The following EFCAB6 variants were observed in gnomAD, a reference collection of about 807,000 sequenced individuals.
EFCAB6 encodes EF-hand calcium binding domain 6.
Under a neutral mutation model 169.8 loss-of-function variants are expected in EFCAB6, and 156 were observed. The ratio of observed to expected loss-of-function variants is 0.92; its 90% confidence interval spans 0.81 to 1.05. EFCAB6 has a LOEUF of 1.05. EFCAB6 is among the 50% of genes least tolerant of loss of function. EFCAB6 has a pLI of 0.00. For missense variants in EFCAB6, 1,800 were observed against 1,829.1 expected (o/e 0.98, Z 0.29); for synonymous variants, 698 against 676.4 (o/e 1.03, Z -0.50).
intron 13 of EFCAB6, among the ~76,000 whole-genome samples, chr22:43,672,793 T>C (rs1268659446): frequency 2.0e-5 from 3 of 152,030 alleles, no homozygotes; most frequent in Non-Finnish European, 4.4e-5. Flanking sequence ...AATACTTGGG[T>C]GATGAAATAA....
chr22:43,567,966 G>A (rs185825779), intron 26 of EFCAB6, among the ~76,000 whole-genome samples: 1 of 152,326 alleles, frequency 6.6e-6, no homozygotes, highest in East Asian at 1.9e-4. Flanking sequence ...CAAGAACACA[G>A]AAGCCTCCTG....
intron 22 of EFCAB6, among the ~76,000 whole-genome samples, chr22:43,606,697 AC>A (rs1480531967): frequency 6.6e-6 from 1 of 152,254 alleles, no homozygotes. Flanking sequence ...CATGAGGTCA[AC>A]TAAACAATAG....
intron 2 of EFCAB6, among the ~76,000 whole-genome samples, chr22:43,792,116 CAGG>C (rs2062316585): frequency 6.6e-6 from 1 of 152,088 alleles, no homozygotes; most frequent in Non-Finnish European, 1.5e-5. Context: ...ACTAGGAAGT[CAGG>C]TCATCAGCAG....
At chr22:43,676,410 C>T (rs2057763132) in intron 13 of EFCAB6, among the ~76,000 whole-genome samples, 1 of 139,608 alleles carries the variant, frequency 7.2e-6, no homozygotes, top group Non-Finnish European at 1.5e-5. Context: ...CAGAGCAAGA[C>T]TCCGTCTCAA....
At chr22:43,761,750 T>C (rs891867545) in intron 5 of EFCAB6, among the ~76,000 whole-genome samples, 32 of 152,206 alleles carry the variant, frequency 2.1e-4, no homozygotes, top group African/African-American at 7.0e-4. Context: ...GACCTGATTC[T>C]ATTGGATATG....
At chr22:43,784,706 CACACACACACACAT>C (rs2062012785) in intron 2 of EFCAB6, among the ~76,000 whole-genome samples, 1 of 134,532 alleles carries the variant, frequency 7.4e-6, no homozygotes, top group Non-Finnish European at 1.6e-5. Flanking sequence ...CACACACACA[CACACACACACACAT>C]ATATATATAT....
chr22:43,589,949 G>C, intron 24 of EFCAB6, 125 bp downstream of exon 24: 1 of 1,264,108 alleles, frequency 7.9e-7, no homozygotes, highest in Non-Finnish European at 1.1e-6. Flanking sequence ...CCAGCAAACA[G>C]GAAGACATGG....
intron 24 of EFCAB6, among the ~76,000 whole-genome samples, chr22:43,589,280 CAAAAA>C (rs1163346832): frequency 3.8e-4 from 31 of 80,912 alleles, no homozygotes; most frequent in African/African-American, 1.6e-3. Flanking sequence ...GACTTCATGT[CAAAAA>C]AAAAAAAAAA....
Position 43,537,187 on chromosome 22 carries a change from G to C in EFCAB6, c.4048+190C>G, listed in dbSNP as rs758316521. On this transcript the variant is annotated intron_variant, in intron 29 of 31. Coordinates refer to ENST00000262726, the MANE Select transcript of EFCAB6 (RefSeq NM_022785.4). This position sits in a 1 kb window ranked among gnomAD's most constrained non-coding sequence, Gnocchi z 4.3. ...AGATGGGCCCCCTGCTGGGAGGGCC[G>C]GGTAGTCGGAATCCTCCTCCATGGG... The C allele has an allele frequency of 6.6e-6, 4 of 607,798 alleles. No individual in the cohort carries two copies. Among genetic ancestry groups the C allele is most frequent in the South Asian group, 2.9e-5 (1 of 34,870 alleles). The allele number at this position is 607,798 out of a possible 1,614,324, so 37.7% of individuals were successfully genotyped here.
intron 2 of EFCAB6, among the ~76,000 whole-genome samples, chr22:43,788,245 C>G (rs541453253): frequency 6.6e-6 from 1 of 152,214 alleles, no homozygotes; most frequent in African/African-American, 2.4e-5. Flanking sequence ...CTTCATCAAA[C>G]TTTAAAACTT....
At chr22:43,635,594 A>G (rs2055330689) in intron 17 of EFCAB6, among the ~76,000 whole-genome samples, 1 of 152,190 alleles carries the variant, frequency 6.6e-6, no homozygotes, top group African/African-American at 2.4e-5. Flanking sequence ...AACAAAATAA[A>G]GCAAGCAAGG....
intron 10 of EFCAB6, among the ~76,000 whole-genome samples, chr22:43,692,157 CA>C (rs1218621813): frequency 6.6e-6 from 1 of 152,128 alleles, no homozygotes; most frequent in Non-Finnish European, 1.5e-5. Flanking sequence ...AATATATACT[CA>C]AAATAGCTTA....
intron 5 of EFCAB6, among the ~76,000 whole-genome samples, chr22:43,762,578 C>T (rs553732873): frequency 5.5e-4 from 83 of 152,214 alleles, no homozygotes; most frequent in Non-Finnish European, 9.6e-4. Flanking sequence ...TATAGCCTAC[C>T]GTATTGCTAG....
rs986559204 is a variant in EFCAB6 at position 43,628,500 on chromosome 22, C to G, written c.2233-1821G>C. Among the ~76,000 whole-genome samples, 3 of 152,162 alleles carry G rather than the reference C, an allele frequency of 2.0e-5. No homozygotes were observed. Among genetic ancestry groups the G allele is most frequent in the African/African-American group, 7.2e-5 (3 of 41,450 alleles). ...CTCCCGAGCGATCCCTTACAGCTGA[C>G]GTCATGCATGAGGCGCCTCTGCTCA... is the stretch of plus-strand genomic sequence containing the variant. On this transcript the variant is annotated intron_variant, in intron 19 of 31. Transcript: ENST00000262726. This position sits in a 1 kb window ranked among gnomAD's most constrained non-coding sequence, Gnocchi z 4.8.
At chr22:43,717,579 A>G (rs143876213) in intron 8 of EFCAB6, among the ~76,000 whole-genome samples, 151 of 152,286 alleles carry the variant, frequency 9.9e-4, no homozygotes, top group African/African-American at 3.6e-3. Flanking sequence ...AGCATCCAAT[A>G]AATGTATGGA....
intron 8 of EFCAB6, among the ~76,000 whole-genome samples, chr22:43,719,376 AG>A (rs1354236203): frequency 3.9e-5 from 6 of 152,220 alleles, no homozygotes; most frequent in African/African-American, 1.4e-4. Flanking sequence ...TGCAGGCGAA[AG>A]GAAATCTGCT....
At chr22:43,760,326 C>A (rs1309827528) in intron 5 of EFCAB6, among the ~76,000 whole-genome samples, 1 of 152,028 alleles carries the variant, frequency 6.6e-6, no homozygotes, top group Non-Finnish European at 1.5e-5. Flanking sequence ...TATCTTATAG[C>A]CTTCACTGTC....
At chr22:43,784,674 TATACACACACAC>T (rs2062007928) in intron 2 of EFCAB6, among the ~76,000 whole-genome samples, 1 of 49,636 alleles carries the variant, frequency 2.0e-5, no homozygotes, top group Non-Finnish European at 3.7e-5. Flanking sequence ...CATATACATA[TATACACACACAC>T]ACACACACAC....
intron 26 of EFCAB6, among the ~76,000 whole-genome samples, chr22:43,569,062 C>T (rs899587230): frequency 3.9e-5 from 6 of 152,172 alleles, no homozygotes; most frequent in Admixed American, 2.0e-4. Context: ...GTGCTACTTC[C>T]GGCAGAGCTT....
Sources: allele counts gnomAD v4.1 joint callset (sites outside exome capture counted in the v4.1 genomes callset), GRCh38; gene constraint gnomAD v4.1.1; non-coding constraint Gnocchi (gnomAD v3.1); transcripts MANE v1.5; gene names NCBI Gene and HGNC (gene_info 2026-07-23, HGNC 2026-07-21).